The following SFI1 variants were observed in gnomAD, a reference collection of about 807,000 sequenced individuals.
The protein encoded by SFI1 is SFI1 centrin binding protein.
Under a neutral mutation model 207.5 loss-of-function variants are expected in SFI1, and 195 were observed. That is an observed-to-expected ratio of 0.94 (90% CI 0.84 to 1.06). SFI1 has a LOEUF of 1.06. Ranked by LOEUF, SFI1 falls within the 50% of genes least tolerant of loss-of-function variation. The pLI is 0.00. For synonymous variants in SFI1, 630 were observed against 598.9 expected, an observed-to-expected ratio of 1.05 and a Z score of -0.76; for missense variants, 1,634 against 1,588.0, an observed-to-expected ratio of 1.03 and a Z score of -0.49.
chr22:31,593,105 G>A (rs1238835988), intron 15 of SFI1, among the ~76,000 whole-genome samples: 3 of 141,740 alleles, frequency 2.1e-5, no homozygotes, highest in African/African-American at 2.6e-5. Flanking sequence ...CCTCCCTCCC[G>A]GATGGGGCGG....
At chr22:31,511,778 G>C (rs545996296) in intron 2 of SFI1, among the ~76,000 whole-genome samples, 1 of 151,856 alleles carries the variant, frequency 6.6e-6, no homozygotes, top group Non-Finnish European at 1.5e-5. Context: ...TTAATCTCCC[G>C]AGTAACTGGG....
chr22:31,601,172 G>A (rs1381552504), intron 15 of SFI1, among the ~76,000 whole-genome samples: 1 of 146,730 alleles, frequency 6.8e-6, no homozygotes, highest in Admixed American at 6.9e-5. Context: ...GGCCCAGGCT[G>A]GAGTGCAGTG....
chr22:31,504,555 T>C (rs2054327486), intron 1 of SFI1, among the ~76,000 whole-genome samples: 1 of 152,218 alleles, frequency 6.6e-6, no homozygotes, highest in Non-Finnish European at 1.5e-5. Context: ...CTTACTCTTC[T>C]GTCTTACTAC....
rs371492695 is a variant in SFI1, at chr22:31,610,874, G to A, written c.2255-269G>A. On this transcript the variant is annotated intron_variant, in intron 22 of 32. Coordinates refer to ENST00000400288, the MANE Select transcript of SFI1 (RefSeq NM_001007467.3). ...TGCCCCTGGCACCCCTGTGGAGGCT[G>A]TGGACAGGCTTGTGGCTCTCAGAGG... 2.0e-4 allele frequency among the ~76,000 whole-genome samples: 30 copies of A among 152,340 alleles called. No individual in the cohort carries two copies. The East Asian group carries it at 4.2e-3, about 22-fold the overall frequency.
At chr22:31,611,035 C>G (rs1009039704) in intron 22 of SFI1, 108 bp from the exon 23 acceptor site, 116 of 1,458,480 alleles carry the variant, frequency 8.0e-5, no homozygotes, top group Non-Finnish European at 1.1e-4. Context: ...GGCTGGACAC[C>G]TGAACTCTAT....
chr22:31,543,538 G>T (rs943244271), intron 4 of SFI1, among the ~76,000 whole-genome samples: 6 of 152,116 alleles, frequency 3.9e-5, no homozygotes, highest in African/African-American at 4.8e-5. Flanking sequence ...AATTGAGCAT[G>T]GTGGCTCATG....
At chr22:31,542,763 G>A (rs1393096061) in intron 4 of SFI1, among the ~76,000 whole-genome samples, 2 of 150,810 alleles carry the variant, frequency 1.3e-5, no homozygotes, top group Non-Finnish European at 3.0e-5. Flanking sequence ...CTGGGTTCAA[G>A]CAATTCTTGT....
chr22:31,560,244 A>G (rs2061549583), intron 7 of SFI1, among the ~76,000 whole-genome samples: 1 of 150,570 alleles, frequency 6.6e-6, no homozygotes, highest in Non-Finnish European at 1.5e-5. Flanking sequence ...CCTAGAGCAA[A>G]TTCGAAAATT....
At chr22:31,594,919 A>G (rs1335704132) in intron 15 of SFI1, among the ~76,000 whole-genome samples, 1 of 150,936 alleles carries the variant, frequency 6.6e-6, no homozygotes, top group Non-Finnish European at 1.5e-5. Context: ...TTTAGTTCCC[A>G]CAGGGACAAA....
At chr22:31,618,047 C>T in intron 31 of SFI1, 68 bp from the exon 32 acceptor site, 4 of 1,493,512 alleles carry the variant, frequency 2.7e-6, no homozygotes, top group Non-Finnish European at 2.7e-6. Context: ...TGAGGTGCCT[C>T]TCCCTGAGCC....
intron 7 of SFI1, chr22:31,559,552 C>T: frequency 1.7e-6 from 1 of 596,440 alleles, no homozygotes; most frequent in Non-Finnish European, 3.1e-6. Flanking sequence ...CAACGGGCAG[C>T]AGAAAATAGG....
At chr22:31,588,936 G>T (rs2065409030) in intron 14 of SFI1, among the ~76,000 whole-genome samples, 1 of 151,816 alleles carries the variant, frequency 6.6e-6, no homozygotes, top group Admixed American at 6.6e-5. Flanking sequence ...TATGTCCATT[G>T]TCTGTCTTCC....
At chr22:31,503,906 ATCATTATAT>A (rs68128660) in intron 1 of SFI1, among the ~76,000 whole-genome samples, 32,816 of 151,672 alleles carry the variant, frequency 0.22, 4,505 homozygotes, top group East Asian at 0.43. Flanking sequence ...GTATTTGATT[ATCATTATAT>A]TCATTATATT....
At chr22:31,581,619 A>C (rs938517942) in intron 12 of SFI1, among the ~76,000 whole-genome samples, 1 of 152,074 alleles carries the variant, frequency 6.6e-6, no homozygotes, top group Admixed American at 6.6e-5. Flanking sequence ...TTGTGTTTCT[A>C]TTGTAAGTCT....
In SFI1 at chr22:31,557,075, T is replaced by C; in HGVS notation, c.662+16T>C. ...TTATCTTACGGTGAGTCTGCTCAAC[T>C]GCCCTACAAAGTACCAGCCATCATT... On this transcript the variant is annotated intron_variant, in intron 7 of 32. Transcript: ENST00000400288. The C allele has an allele frequency of 5.9e-6, 9 of 1,517,498 alleles. No homozygotes were observed. Among genetic ancestry groups the C allele is most frequent in the Non-Finnish European group, 8.1e-6 (9 of 1,105,824 alleles). 94.0% of individuals were successfully genotyped at this position (1,517,498 alleles called of 1,614,324 possible). A position where few individuals can be genotyped will look rare whatever the true frequency, so the allele number is the denominator to read the frequency against.
At chr22:31,614,912 C>CCAAAGGCAGCGGG (rs1220767474) in intron 28 of SFI1, 52 bp downstream of exon 28, 1 of 1,601,596 alleles carries the variant, frequency 6.2e-7, no homozygotes. Flanking sequence ...TCAGGGGTCC[C>CCAAAGGCAGCGGG]CAAAGGCAGC....
Position 31,521,029 on chromosome 22 carries a change from AGAGTT to A in SFI1, c.93-7660_93-7656del, listed in dbSNP as rs1366218270. Among the ~76,000 whole-genome samples the A allele has an allele frequency of 2.7e-5, 4 of 147,668 alleles. No homozygotes were observed. In the Admixed American group the frequency reaches 2.7e-4, roughly 10 times the overall value. On this transcript the variant is annotated intron_variant, in intron 2 of 32. Coordinates refer to ENST00000400288, the MANE Select transcript of SFI1 (RefSeq NM_001007467.3). ...AAAAAAAAAAAAAAAAAAAAAAAGT[AGAGTT>A]CAAGACCAGCCTGGGCAACATAGTG...
Position 31,615,239 on chromosome 22 carries a change from T to TTCCTCC in SFI1, c.3261_3262insCCTCCT (p.Leu1087_Ser1088insProPro). On this transcript the variant is annotated inframe_insertion, in exon 29 of 33. Coordinates refer to ENST00000400288, the MANE Select transcript of SFI1 (RefSeq NM_001007467.3). ...GGCCCGGAGCTGCTGCTGCTGCCTC[T>TTCCTCC]TTCCTCCTTCATGCCCTGCGGGGCG... The TTCCTCC allele has an allele frequency of 6.5e-7, 1 of 1,529,134 alleles. No individual in the cohort carries two copies. The highest frequency in any genetic ancestry group is 8.7e-7 in the Non-Finnish European group (1 of 1,145,924). 94.7% of individuals were successfully genotyped at this position (1,529,134 alleles called of 1,614,324 possible).
Position 31,615,038 on chromosome 22 carries a change from C to A in SFI1, c.3069-10C>A. ...TGGCCTGACCAGGCTCTTGCCTTCC[C>A]TGTGCTCAGGCCTCAGAAGCCACAG... is the stretch of plus-strand genomic sequence containing the variant. On this transcript the variant is annotated splice_polypyrimidine_tract_variant and intron_variant, in intron 28 of 32. Transcript: ENST00000400288. The A allele has an allele frequency of 6.2e-7, 1 of 1,611,696 alleles. No homozygotes were observed. Among genetic ancestry groups the A allele is most frequent in the South Asian group, 1.1e-5 (1 of 90,924 alleles).
Sources: gnomAD v4.1 joint callset for allele counts (sites outside exome capture counted in the v4.1 genomes callset) on GRCh38, gnomAD v4.1.1 for gene constraint, MANE v1.5 for transcripts, NCBI Gene and HGNC (gene_info 2026-07-23, HGNC 2026-07-21) for gene names.